SYTL3: variants seen among roughly 807,000 people sequenced by gnomAD.
SYTL3 encodes synaptotagmin like 3, also known as synaptotagmin-like protein 3.
Under a neutral mutation model 82.1 loss-of-function variants are expected in SYTL3, and 88 were observed. That is an observed-to-expected ratio of 1.07 (90% CI 0.90 to 1.28). SYTL3 has a LOEUF of 1.28. Among genes scored for constraint, SYTL3 ranks in the 50% most tolerant of loss-of-function variants. SYTL3 has a pLI of 0.00. For missense variants in SYTL3, 831 were observed against 757.6 expected, an observed-to-expected ratio of 1.10 and a Z score of -1.14; for synonymous variants, 311 against 289.4, an observed-to-expected ratio of 1.07 and a Z score of -0.76.
At chr6:158,674,898 T>TTGTC (rs1222912181) in intron 5 of SYTL3, among the ~76,000 whole-genome samples, 1 of 151,688 alleles carries the variant, frequency 6.6e-6, no homozygotes, top group Admixed American at 6.6e-5. Context: ...CCCCTCCCTG[T>TTGTC]TGTCTCCCCT....
chr6:158,742,810 ACCT>A (rs975604896), intron 11 of SYTL3, among the ~76,000 whole-genome samples: 3 of 151,620 alleles, frequency 2.0e-5, no homozygotes, highest in African/African-American at 7.3e-5. Flanking sequence ...AGATCTGCTG[ACCT>A]CCTGACCTCA....
chr6:158,732,291 CACAAGG>C (rs987343084), intron 11 of SYTL3, among the ~76,000 whole-genome samples: 12 of 152,338 alleles, frequency 7.9e-5, no homozygotes, highest in African/African-American at 2.9e-4. Flanking sequence ...TCCTCCCAAG[CACAAGG>C]ACAAGACTGA....
chr6:158,648,939 G>C (rs1199814397), upstream of SYTL3, among the ~76,000 whole-genome samples: 1 of 152,212 alleles, frequency 6.6e-6, no homozygotes, highest in Non-Finnish European at 1.5e-5. Flanking sequence ...ATTGAGCTGG[G>C]AAGCGGAGGC....
chr6:158,711,923 C>T (rs529753569), intron 8 of SYTL3, among the ~76,000 whole-genome samples: 2 of 152,326 alleles, frequency 1.3e-5, no homozygotes, highest in South Asian at 4.1e-4. Context: ...GTTTTATCAG[C>T]AAGGTCTTTA....
intron 5 of SYTL3, among the ~76,000 whole-genome samples, chr6:158,666,910 G>A (rs1001652387): frequency 1.3e-5 from 2 of 152,208 alleles, no homozygotes; most frequent in African/African-American, 2.4e-5. Flanking sequence ...TCGCACGGAC[G>A]GTGGCCGAAT....
chr6:158,716,708 A>C (rs12211081), intron 9 of SYTL3, among the ~76,000 whole-genome samples: 27,035 of 152,122 alleles, frequency 0.18, 2,619 homozygotes, highest in South Asian at 0.35. Context: ...GGAGAGAACG[A>C]ATACATAGTG....
At chr6:158,689,567 C>A (rs1026555252) in intron 6 of SYTL3, among the ~76,000 whole-genome samples, 12 of 151,836 alleles carry the variant, frequency 7.9e-5, no homozygotes, top group African/African-American at 2.4e-5. Context: ...CGTATAATTT[C>A]TTTTGCTTTT....
chr6:158,703,681 C>G (rs1781587471), intron 6 of SYTL3, among the ~76,000 whole-genome samples: 1 of 152,070 alleles, frequency 6.6e-6, no homozygotes, highest in African/African-American at 2.4e-5. Context: ...GCCTGGGGCT[C>G]TGTGTCTCTA....
chr6:158,701,234 T>C (rs1562393379), intron 6 of SYTL3, among the ~76,000 whole-genome samples: 40 of 27,364 alleles, frequency 1.5e-3, no homozygotes, highest in African/African-American at 2.3e-3. Context: ...GAGTGTGAGC[T>C]GGGGTGTAGA....
intron 5 of SYTL3, among the ~76,000 whole-genome samples, chr6:158,667,788 A>G (rs16900923): frequency 0.018 from 2,697 of 152,308 alleles, 91 homozygotes; most frequent in African/African-American, 0.061. Flanking sequence ...GTTGCTGCAG[A>G]ACAAGAGGCC....
At chr6:158,724,324 A>G (rs1040542884) in intron 10 of SYTL3, among the ~76,000 whole-genome samples, 4 of 152,214 alleles carry the variant, frequency 2.6e-5, no homozygotes, top group Admixed American at 6.5e-5. Flanking sequence ...GAAAGCATAA[A>G]TAATTTGGAG....
intron 5 of SYTL3, among the ~76,000 whole-genome samples, chr6:158,670,884 G>A (rs2128381903): frequency 6.6e-6 from 1 of 151,586 alleles, no homozygotes; most frequent in Admixed American, 6.6e-5. Flanking sequence ...CTCACTGCAA[G>A]CTCCGCCTCC....
rs775230677 is a variant in SYTL3, at chr6:158,764,509, G to T, written c.1738G>T (p.Val580Phe). ...TRLGSKGDTA[V>F]GGDACSLSKL... ...CTCTCTTACAGAGGGAGACACAGCT[G>T]TTGGCGGGGATGCATGCTCACTATC... is the stretch of plus-strand genomic sequence containing the variant. The change falls in exon 18 of 18, where the codon GTT becomes TTT. Residue 580 changes from valine to phenylalanine, a missense_variant. Coordinates refer to ENST00000611299, the MANE Select transcript of SYTL3 (RefSeq NM_001242394.2). The T allele has an allele frequency of 6.2e-7, 1 of 1,613,806 alleles. No homozygotes were observed. Among genetic ancestry groups the T allele is most frequent in the Admixed American group, 1.7e-5 (1 of 60,032 alleles).
chr6:158,735,666 A>G (rs1786049635), intron 11 of SYTL3, among the ~76,000 whole-genome samples: 1 of 152,208 alleles, frequency 6.6e-6, no homozygotes, highest in African/African-American at 2.4e-5. Context: ...TTAAAATTCC[A>G]CTTATTACAG....
intron 6 of SYTL3, among the ~76,000 whole-genome samples, chr6:158,697,765 C>A (rs1780722132): frequency 6.6e-6 from 1 of 152,104 alleles, no homozygotes; most frequent in African/African-American, 2.4e-5. Flanking sequence ...AGGTACTCAC[C>A]AAACCTGAAC....
chr6:158,662,531 AC>A (rs1405255648), intron 3 of SYTL3, among the ~76,000 whole-genome samples: 4 of 152,386 alleles, frequency 2.6e-5, no homozygotes, highest in African/African-American at 9.6e-5. Flanking sequence ...TCCTCTGACC[AC>A]TAAAGTTATG....
rs781279642 is a variant in SYTL3 at position 158,745,564 on chromosome 6, AT to A, written c.942del (p.His315IlefsTer9). ...ANVTGEIEFA[I>X]HYCFKTHSLE... Reference sequence around the variant, plus strand: ...TGTCACTGGAGAAATAGAATTTGCCATTCATTATTGCTTCAAAACCCATTCT... The same window carrying A: ...TGTCACTGGAGAAATAGAATTTGCCATCATTATTGCTTCAAAACCCATTCT... On this transcript the variant is annotated frameshift_variant, in exon 12 of 18. Coordinates refer to ENST00000611299, the MANE Select transcript of SYTL3 (RefSeq NM_001242394.2). LOFTEE classifies it high-confidence loss of function. 6.2e-7 allele frequency: 1 copy of A among 1,613,920 alleles called. No homozygotes were observed. Among genetic ancestry groups the A allele is most frequent in the Non-Finnish European group, 8.5e-7 (1 of 1,179,956 alleles).
At chr6:158,739,603 C>T (rs1425148698) in intron 11 of SYTL3, among the ~76,000 whole-genome samples, 1 of 151,944 alleles carries the variant, frequency 6.6e-6, no homozygotes. Context: ...TCTCCCTCTC[C>T]CATCTTTCTG....
rs1789590453 is a variant in SYTL3, at chr6:158,663,337, CCGAGACCA to C, written c.70_77del (p.Arg24GlyfsTer96). 10 of 1,613,938 alleles carry C rather than the reference CCGAGACCA, an allele frequency of 6.2e-6. No individual in the cohort carries two copies. In the Middle Eastern group the frequency reaches 5.0e-4, roughly 81 times the overall value. On this transcript the variant is annotated frameshift_variant, in exon 4 of 18. Transcript: ENST00000611299. LOFTEE classifies it high-confidence loss of function. ...GCGAGGCCATTCTCCAGGTCCTGTA[CCGAGACCA>C]GGCGGTTCAAAACACAGAGGAGGAG... is the stretch of plus-strand genomic sequence containing the variant.
Sources: gnomAD v4.1 joint callset for allele counts (sites outside exome capture counted in the v4.1 genomes callset) on GRCh38, gnomAD v4.1.1 for gene constraint, MANE v1.5 for transcripts, NCBI Gene and HGNC (gene_info 2026-07-23, HGNC 2026-07-21) for gene names.